SPECC1: variants seen among roughly 807,000 people sequenced by gnomAD.
The protein encoded by SPECC1 is sperm antigen with calponin homology and coiled-coil domains 1, also known as cytospin-B.
SPECC1 carries 62 observed loss-of-function variants against 104.1 expected under a neutral mutation model. That is an observed-to-expected ratio of 0.60 (90% CI 0.49 to 0.74). The LOEUF (loss-of-function observed/expected upper bound fraction) is 0.74. Ranked by LOEUF, SPECC1 falls within the 30% of genes least tolerant of loss-of-function variation. The pLI, the probability that SPECC1 is intolerant of heterozygous loss-of-function variation, is 0.00. For missense variants in SPECC1, 1,306 were observed against 1,310.5 expected (o/e 1.00, Z 0.05); for synonymous variants, 513 against 501.6 (o/e 1.02, Z -0.30).
intron 3 of SPECC1, among the ~76,000 whole-genome samples, chr17:20,156,756 T>C (rs1285034111): frequency 1.3e-5 from 2 of 152,160 alleles, no homozygotes. Context: ...CGTTTTTACT[T>C]CCTCAGTCCT....
chr17:20,045,442 A>G (rs1333805401), intron 1 of SPECC1, among the ~76,000 whole-genome samples: 2 of 152,190 alleles, frequency 1.3e-5, no homozygotes, highest in African/African-American at 4.8e-5. Context: ...TAAGAGTGGA[A>G]TTACTGAAAC....
At chr17:20,202,446 A>G (rs1204074563) in intron 3 of SPECC1, among the ~76,000 whole-genome samples, 1 of 152,196 alleles carries the variant, frequency 6.6e-6, no homozygotes, top group African/African-American at 2.4e-5. Context: ...CCTAGAAGCC[A>G]ATAAAACCCC....
intron 1 of SPECC1, among the ~76,000 whole-genome samples, chr17:20,021,698 A>ATT (rs1456183299): frequency 1.8e-3 from 202 of 113,654 alleles, no homozygotes; most frequent in African/African-American, 7.8e-3. Context: ...ATATATATAT[A>ATT]TATATTTTTT....
Position 20,260,269 on chromosome 17 carries a change from G to A in SPECC1, c.2915G>A (p.Cys972Tyr), listed in dbSNP as rs945195438. Residue 972 changes from cysteine (C) to tyrosine (Y), a missense_variant, in exon 12 of 15, where the codon TGC becomes TAC. This residue lies in a region of SPECC1 where 129 missense variants were observed against 170.6 expected (regional missense o/e 0.76). Coordinates refer to ENST00000395527, the MANE Select transcript of SPECC1 (RefSeq NM_001243439.2). The part of the protein sequence containing the change: ...GSKRNALLKW[C>Y]QKKTQGYANI... ...AAGCGCAATGCTCTACTGAAATGGT[G>A]CCAGAAGAAGACACAAGGTTATGCG... 6.2e-7 allele frequency: 1 copy of A among 1,614,012 alleles called. No individual in the cohort carries two copies. Among genetic ancestry groups the A allele is most frequent in the East Asian group, 2.2e-5 (1 of 44,874 alleles).
intron 1 of SPECC1, among the ~76,000 whole-genome samples, chr17:20,025,398 C>G (rs1247828513): frequency 6.6e-6 from 1 of 152,218 alleles, no homozygotes; most frequent in East Asian, 1.9e-4. Flanking sequence ...CCCCACCCAA[C>G]CACTAATCTA....
chr17:20,242,265 A>G (rs1447292129), intron 7 of SPECC1, among the ~76,000 whole-genome samples: 3 of 152,252 alleles, frequency 2.0e-5, no homozygotes, highest in Admixed American at 1.3e-4. Context: ...GTTCTCTAAC[A>G]TAACAAGGAA....
chr17:20,195,545 T>C lies in SPECC1; in HGVS notation c.284-8788T>C, dbSNP rs531207313. On this transcript the variant is annotated intron_variant, in intron 3 of 14. Transcript: ENST00000395527. ...ATGTCACTGTTGTATTAGTGCATTA[T>C]AGATATAAAACCCAATTTTTTTTTT... Among the ~76,000 whole-genome samples, 13 of 141,384 alleles carry C rather than the reference T, an allele frequency of 9.2e-5. No homozygotes were observed. The East Asian group carries it at 2.9e-3, about 32-fold the overall frequency. 92.8% of individuals were successfully genotyped at this position (141,384 alleles called of 152,430 possible). A position where few individuals can be genotyped will look rare whatever the true frequency, so the allele number is the denominator to read the frequency against.
At chr17:20,306,192 C>A (rs558757958) in intron 14 of SPECC1, 110 bp downstream of exon 14, 5 of 977,828 alleles carry the variant, frequency 5.1e-6, no homozygotes, top group Non-Finnish European at 8.0e-6. Flanking sequence ...TGCCGAAAGT[C>A]TGTTGCTCTC....
intron 1 of SPECC1, among the ~76,000 whole-genome samples, chr17:20,049,521 TTAG>T (rs1316187603): frequency 2.0e-5 from 3 of 152,144 alleles, no homozygotes; most frequent in African/African-American, 7.2e-5. Flanking sequence ...TTATTTTGGG[TTAG>T]TGGTGGTTTT....
At chr17:20,074,544 C>T (rs1027784394) in intron 1 of SPECC1, among the ~76,000 whole-genome samples, 19 of 152,184 alleles carry the variant, frequency 1.2e-4, no homozygotes, top group Admixed American at 9.8e-4. Flanking sequence ...TTTAGCTCAG[C>T]GGTGCAGAAG....
intron 12 of SPECC1, among the ~76,000 whole-genome samples, chr17:20,276,534 T>C (rs1005705586): frequency 6.6e-6 from 1 of 152,200 alleles, no homozygotes; most frequent in Admixed American, 6.5e-5. Context: ...CCTGTTCACA[T>C]TTTCTTGTGG....
At chr17:20,272,084 TAA>T (rs2040427719) in intron 12 of SPECC1, among the ~76,000 whole-genome samples, 1 of 152,174 alleles carries the variant, frequency 6.6e-6, no homozygotes, top group Non-Finnish European at 1.5e-5. Flanking sequence ...CTCTATAGCT[TAA>T]GTTTTGTGTT....
intron 3 of SPECC1, among the ~76,000 whole-genome samples, chr17:20,125,562 A>G (rs982102742): frequency 6.6e-6 from 1 of 152,108 alleles, no homozygotes; most frequent in Non-Finnish European, 1.5e-5. Flanking sequence ...GGCAGCCACC[A>G]CTCAACTTTC....
At chr17:20,120,325 G>T (rs1247954338) in intron 3 of SPECC1, among the ~76,000 whole-genome samples, 1 of 152,044 alleles carries the variant, frequency 6.6e-6, no homozygotes, top group Non-Finnish European at 1.5e-5. Flanking sequence ...GGTGGAGGCT[G>T]CAGTGAGCCG....
At chr17:20,021,997 A>G (rs574508914) in intron 1 of SPECC1, among the ~76,000 whole-genome samples, 6 of 151,754 alleles carry the variant, frequency 4.0e-5, no homozygotes, top group African/African-American at 1.5e-4. Flanking sequence ...GCTGGAGTGC[A>G]GTGGCATGGT....
chr17:20,107,622 A>G (rs1222069971), intron 2 of SPECC1, among the ~76,000 whole-genome samples: 2 of 151,998 alleles, frequency 1.3e-5, no homozygotes, highest in Non-Finnish European at 2.9e-5. Flanking sequence ...ACACCTGGCT[A>G]ATTTTTGTAT....
At chr17:20,134,479 T>A (rs1189828059) in intron 3 of SPECC1, among the ~76,000 whole-genome samples, 1 of 151,266 alleles carries the variant, frequency 6.6e-6, no homozygotes, top group Non-Finnish European at 1.5e-5. Flanking sequence ...GGAAAAAAAA[T>A]TGGGCACAGG....
chr17:20,043,898 C>T (rs1185210283), intron 1 of SPECC1, among the ~76,000 whole-genome samples: 2 of 152,138 alleles, frequency 1.3e-5, no homozygotes, highest in Non-Finnish European at 2.9e-5. Flanking sequence ...GGAGGTAGAG[C>T]TTCATGTGAC....
At chr17:20,027,780 A>G (rs923029111) in intron 1 of SPECC1, among the ~76,000 whole-genome samples, 2 of 152,146 alleles carry the variant, frequency 1.3e-5, no homozygotes, top group South Asian at 4.1e-4. Flanking sequence ...TACTAGTACC[A>G]TGCTGTTTTG....
Sources: gnomAD v4.1 joint callset for allele counts (sites outside exome capture counted in the v4.1 genomes callset) on GRCh38, gnomAD v4.1.1 for gene constraint, gnomAD v4.1.1 regional missense constraint, MANE v1.5 for transcripts, NCBI Gene and HGNC (gene_info 2026-07-23, HGNC 2026-07-21) for gene names.